The following KSR2 variants were observed in gnomAD, a reference collection of about 807,000 sequenced individuals.
KSR2 encodes the protein kinase suppressor of ras 2.
Under a neutral mutation model 107.8 loss-of-function variants are expected in KSR2, and 25 were observed. The observed-to-expected ratio is 0.23, with a 90% CI of 0.17 to 0.32. KSR2 has a LOEUF of 0.32. Among genes scored for constraint, KSR2 ranks in the 10% least tolerant of loss-of-function variants. The pLI is 1.00. For missense variants in KSR2, 887 were observed against 1,268.9 expected, an observed-to-expected ratio of 0.70 and a Z score of 4.57; for synonymous variants, 480 against 507.0, an observed-to-expected ratio of 0.95 and a Z score of 0.71.
chr12:117,745,758 A>G (rs1177649860), intron 4 of KSR2, among the ~76,000 whole-genome samples: 1 of 152,190 alleles, frequency 6.6e-6, no homozygotes, highest in Non-Finnish European at 1.5e-5. Flanking sequence ...TCAACATGCA[A>G]AAATCACAAG....
chr12:117,571,005 C>G (rs1371515337), intron 7 of KSR2, among the ~76,000 whole-genome samples: 1 of 152,174 alleles, frequency 6.6e-6, no homozygotes, highest in Non-Finnish European at 1.5e-5. Flanking sequence ...TGCCTGTAAT[C>G]CCAGCACTTT....
intron 7 of KSR2, among the ~76,000 whole-genome samples, chr12:117,566,770 C>CTA (rs989736945): frequency 2.0e-5 from 3 of 152,164 alleles, no homozygotes; most frequent in African/African-American, 7.2e-5. Context: ...TTAAATAAGA[C>CTA]AAGAATTCTT....
intron 5 of KSR2, among the ~76,000 whole-genome samples, chr12:117,648,753 T>A (rs775788781): frequency 6.6e-6 from 1 of 152,240 alleles, no homozygotes; most frequent in African/African-American, 2.4e-5. Context: ...ACCACCCTTA[T>A]GGGCTGGCAT....
intron 4 of KSR2, among the ~76,000 whole-genome samples, chr12:117,670,429 T>C (rs1464341733): frequency 6.6e-6 from 1 of 152,138 alleles, no homozygotes; most frequent in East Asian, 1.9e-4. Flanking sequence ...GTGGTGAAGG[T>C]GGTGCCAGCC....
chr12:117,826,706 G>GCACACA (rs10560304), intron 3 of KSR2, among the ~76,000 whole-genome samples: 1 of 149,014 alleles, frequency 6.7e-6, no homozygotes, highest in Non-Finnish European at 1.5e-5. Context: ...ATACACACAT[G>GCACACA]CACACACACA....
intron 1 of KSR2, among the ~76,000 whole-genome samples, chr12:117,902,090 G>T (rs149096113): frequency 6.6e-6 from 1 of 152,266 alleles, no homozygotes; most frequent in East Asian, 1.9e-4. Flanking sequence ...CTAAGTAAAT[G>T]AATGTGATTT....
At chr12:117,639,235 T>C (rs1424750676) in intron 5 of KSR2, among the ~76,000 whole-genome samples, 1 of 152,106 alleles carries the variant, frequency 6.6e-6, no homozygotes, top group Non-Finnish European at 1.5e-5. Context: ...ATTTTTAAAG[T>C]ATACATATTA....
chr12:117,634,610 A>G (rs1449744999), intron 5 of KSR2, among the ~76,000 whole-genome samples: 1 of 152,110 alleles, frequency 6.6e-6, no homozygotes, highest in Non-Finnish European at 1.5e-5. Flanking sequence ...CTCTCGGGTG[A>G]CACTCGCATG....
intron 4 of KSR2, among the ~76,000 whole-genome samples, chr12:117,672,464 C>A (rs911555610): frequency 1.3e-5 from 2 of 152,110 alleles, no homozygotes; most frequent in Non-Finnish European, 2.9e-5. Flanking sequence ...TATGAGATAA[C>A]AAGCTTGGCA....
At position 117,967,709 on chromosome 12, in the gene KSR2, C is replaced by T. The variant is rs576491149; in HGVS notation, c.180+367G>A. ...TAATGTATTACCCGGCACACAAGCC[C>T]CCGTGGCATATAAACAAATCCACAA... On this transcript the variant is annotated intron_variant, in intron 1 of 19. Coordinates refer to ENST00000339824, the MANE Select transcript of KSR2 (RefSeq NM_173598.6). Among the ~76,000 whole-genome samples, 7 of 152,122 alleles carry T rather than the reference C, an allele frequency of 4.6e-5. No individual in the cohort carries two copies. The East Asian group carries it at 1.4e-3, about 29-fold the overall frequency.
intron 1 of KSR2, among the ~76,000 whole-genome samples, chr12:117,930,399 G>A (rs770902779): frequency 2.6e-5 from 4 of 152,080 alleles, no homozygotes; most frequent in Admixed American, 6.6e-5. Context: ...CTAAACTGGT[G>A]TTCTCAAACT....
chr12:117,902,741 A>T (rs573094219), intron 1 of KSR2, among the ~76,000 whole-genome samples: 3 of 151,326 alleles, frequency 2.0e-5, no homozygotes, highest in African/African-American at 4.9e-5. Context: ...CTTAAAGTAT[A>T]AAAAAAAAGG....
At chr12:117,738,583 C>CA (rs1406424908) in intron 4 of KSR2, among the ~76,000 whole-genome samples, 3 of 152,002 alleles carry the variant, frequency 2.0e-5, no homozygotes, top group Non-Finnish European at 4.4e-5. Flanking sequence ...ATATTAAAGA[C>CA]AAAAAATGTG....
intron 4 of KSR2, among the ~76,000 whole-genome samples, chr12:117,668,898 G>A (rs1301020429): frequency 2.0e-5 from 3 of 152,198 alleles, no homozygotes; most frequent in South Asian, 2.1e-4. Context: ...CCAGCAAAAC[G>A]AGTCACATAG....
chr12:117,571,109 T>G (rs1878864496), intron 7 of KSR2, among the ~76,000 whole-genome samples: 1 of 151,956 alleles, frequency 6.6e-6, no homozygotes, highest in Admixed American at 6.6e-5. Flanking sequence ...AATACAAAAA[T>G]TAGCCGGACA....
intron 14 of KSR2, among the ~76,000 whole-genome samples, chr12:117,519,600 G>T (rs148065716): frequency 2.0e-5 from 3 of 152,170 alleles, no homozygotes; most frequent in African/African-American, 7.2e-5. Flanking sequence ...GGGACTGTAC[G>T]TTCTCTGAGT....
intron 3 of KSR2, among the ~76,000 whole-genome samples, chr12:117,852,289 G>A (rs758449321): frequency 6.0e-5 from 9 of 151,220 alleles, no homozygotes; most frequent in Non-Finnish European, 1.0e-4. Context: ...CTAGCTGGGC[G>A]TGGTGGCATG....
chr12:117,812,235 A>G (rs1218249507), intron 3 of KSR2, among the ~76,000 whole-genome samples: 2 of 152,212 alleles, frequency 1.3e-5, no homozygotes, highest in African/African-American at 2.4e-5. Flanking sequence ...ATACACACAG[A>G]TTTCTAAGAC....
chr12:117,953,843 C>A (rs1896434424), intron 1 of KSR2, among the ~76,000 whole-genome samples: 1 of 152,284 alleles, frequency 6.6e-6, no homozygotes, highest in South Asian at 2.1e-4. Flanking sequence ...ATTCCCAACA[C>A]CGCTTTGAGG....
Sources: allele counts gnomAD v4.1 joint callset (sites outside exome capture counted in the v4.1 genomes callset), GRCh38; gene constraint gnomAD v4.1.1; transcripts MANE v1.5; gene names NCBI Gene and HGNC (gene_info 2026-07-23, HGNC 2026-07-21).